The following FEZ2 variants were observed in gnomAD, a reference collection of about 807,000 sequenced individuals.
FEZ2 encodes the protein fasciculation and elongation protein zeta-2.
Under a neutral mutation model 40.4 loss-of-function variants are expected in FEZ2, and 51 were observed. The observed-to-expected ratio is 1.26, with a 90% CI of 1.01 to 1.59. The LOEUF is 1.59. Among genes scored for constraint, FEZ2 ranks in the 40% most tolerant of loss-of-function variants. The probability of loss-of-function intolerance (pLI) is 0.00; values close to 1 mark genes in which losing one functional copy is unlikely to be tolerated. For synonymous variants in FEZ2, 242 were observed against 172.0 expected (o/e 1.41, Z -3.18); for missense variants, 640 against 438.3 (o/e 1.46, Z -4.11).
At chr2:36,571,687 G>A (rs950401607) in intron 5 of FEZ2, among the ~76,000 whole-genome samples, 4 of 150,852 alleles carry the variant, frequency 2.7e-5, no homozygotes, top group South Asian at 2.1e-4. Context: ...GTAGAATTTA[G>A]TATCTCAAGC....
intron 5 of FEZ2, among the ~76,000 whole-genome samples, chr2:36,575,550 T>C (rs1668544635): frequency 1.3e-5 from 2 of 152,194 alleles, no homozygotes; most frequent in South Asian, 2.1e-4. Flanking sequence ...TGAATGAATA[T>C]TGTTTCATCT....
intron 5 of FEZ2, among the ~76,000 whole-genome samples, chr2:36,568,168 G>C (rs946238914): frequency 3.3e-5 from 5 of 151,954 alleles, no homozygotes; most frequent in Non-Finnish European, 7.4e-5. Flanking sequence ...AGGAAAGGGA[G>C]AGACAGAAGG....
At chr2:36,588,927 A>C (rs1299287514) in intron 2 of FEZ2, among the ~76,000 whole-genome samples, 1 of 152,170 alleles carries the variant, frequency 6.6e-6, no homozygotes, top group African/African-American at 2.4e-5. Context: ...GAAACTATGA[A>C]TGGAAACTCT....
chr2:36,573,098 G>GTGTA (rs1668462981), intron 5 of FEZ2, among the ~76,000 whole-genome samples: 2 of 152,288 alleles, frequency 1.3e-5, no homozygotes, highest in African/African-American at 4.8e-5. Context: ...TGATGGTGGA[G>GTGTA]TGTAACACAG....
chr2:36,573,432 A>T (rs1668473689), intron 5 of FEZ2, among the ~76,000 whole-genome samples: 1 of 152,200 alleles, frequency 6.6e-6, no homozygotes, highest in Non-Finnish European at 1.5e-5. Context: ...ATGACCTGTG[A>T]ATGTCTGATG....
rs766063293 is a variant in FEZ2 at position 36,558,443 on chromosome 2, G to A, written c.974C>T (p.Thr325Ile). Reference protein sequence around the residue: ...PPSVEDLQILTKILRAMKEDS... With the variant: ...PPSVEDLQILIKILRAMKEDS... ...TTCATTTTGTCTTTGCTCACTTTTT[G>A]TTAATATTTGAAGATCTTCAACAGA... is the stretch of plus-strand genomic sequence containing the variant. Residue 325 changes from threonine to isoleucine, a missense_variant, in exon 6 of 8, where the codon ACA becomes ATA. Coordinates refer to ENST00000405912, the MANE Select transcript of FEZ2 (RefSeq NM_005102.3). The A allele has an allele frequency of 1.3e-6, 2 of 1,513,208 alleles. No homozygotes were observed. Among genetic ancestry groups the A allele is most frequent in the East Asian group, 5.0e-5 (2 of 40,046 alleles). The allele number at this position is 1,513,208 out of a possible 1,614,324, so 93.7% of individuals were successfully genotyped here.
chr2:36,579,202 C>T, intron 4 of FEZ2: 1 of 198,356 alleles, frequency 5.0e-6, no homozygotes. Flanking sequence ...AGAACAAACA[C>T]AAAAGTCGAG....
chr2:36,578,976 A>G (rs1668658514), intron 4 of FEZ2, 111 bp from the exon 5 acceptor site: 2 of 854,558 alleles, frequency 2.3e-6, no homozygotes, highest in African/African-American at 1.7e-5. Context: ...TCAATGCCAA[A>G]GAGCAAAAAT....
At position 36,598,020 on chromosome 2, in the gene FEZ2, ACCCGCCTCGGCC is replaced by A. The variant is rs745391375; in HGVS notation, c.111_122del (p.Ala38_Gly41del). On this transcript the variant is annotated inframe_deletion, in exon 1 of 8. Transcript: ENST00000405912. ...GGGCCGGGAAACCGTCGGCGCCCCC[ACCCGCCTCGGCC>A]CCCGCCTCCGCCCCAGGCTCGGGGC... 5.7e-4 allele frequency: 802 copies of A among 1,397,306 alleles called. 1 individual carries two copies. The highest frequency in any genetic ancestry group is 1.1e-3 in the Admixed American group (47 of 44,270). 86.6% of individuals were successfully genotyped at this position (1,397,306 alleles called of 1,614,324 possible).
chr2:36,597,272 CA>C (rs1558463224), intron 1 of FEZ2, among the ~76,000 whole-genome samples: 1 of 152,192 alleles, frequency 6.6e-6, no homozygotes, highest in Non-Finnish European at 1.5e-5. Flanking sequence ...CACTCCCACT[CA>C]TCAGTCAGAT....
At chr2:36,576,172 C>G (rs1668562855) in intron 5 of FEZ2, among the ~76,000 whole-genome samples, 1 of 152,186 alleles carries the variant, frequency 6.6e-6, no homozygotes, top group Non-Finnish European at 1.5e-5. Flanking sequence ...GCCTATTTCA[C>G]TTTGGGTTTC....
chr2:36,567,655 G>A (rs1403937947), intron 5 of FEZ2, among the ~76,000 whole-genome samples: 2 of 151,784 alleles, frequency 1.3e-5, no homozygotes, highest in Non-Finnish European at 2.9e-5. Flanking sequence ...CCAGCTACTC[G>A]AGAGGCTCAG....
intron 6 of FEZ2, chr2:36,556,020 CAAA>C (rs375057966): frequency 1.7e-6 from 1 of 579,512 alleles, no homozygotes; most frequent in Non-Finnish European, 3.3e-6. Flanking sequence ...ACAGTGGAGA[CAAA>C]AAAAGAGGAA....
rs1667836307 is a variant in FEZ2 at position 36,552,418 on chromosome 2, G to T, written c.*745C>A. Reference sequence around the variant, plus strand: ...TAGGACACAGTAATGAGAATGGGCAGTTCTGCAGTGTACACTTTCTCAAGC... The same window carrying T: ...TAGGACACAGTAATGAGAATGGGCATTTCTGCAGTGTACACTTTCTCAAGC... On this transcript the variant is annotated 3_prime_UTR_variant, in exon 8 of 8. Coordinates refer to ENST00000405912, the MANE Select transcript of FEZ2 (RefSeq NM_005102.3). The T allele has an allele frequency of 2.8e-6, 1 of 357,966 alleles. No homozygotes were observed. Among genetic ancestry groups the T allele is most frequent in the South Asian group, 2.2e-5 (1 of 45,860 alleles). The allele number at this position is 357,966 out of a possible 1,614,324, so 22.2% of individuals were successfully genotyped here.
In FEZ2 at chr2:36,583,452, G is replaced by C. The variant is rs766987701; in HGVS notation, c.393C>G (p.Leu131=). Residue 131 remains leucine, a synonymous_variant, in exon 3 of 8, where the codon CTC becomes CTG. Coordinates refer to ENST00000405912, the MANE Select transcript of FEZ2 (RefSeq NM_005102.3). ...LSEKGVSDSL[L]FDTSDDEELR... ...GCTCTTCATCATCTGATGTATCAAAGAGCAAACTGTCACTTACCTAAAAAC... is the reference window on the plus strand; with the variant it reads ...GCTCTTCATCATCTGATGTATCAAACAGCAAACTGTCACTTACCTAAAAAC... The C allele has an allele frequency of 1.3e-6, 2 of 1,586,492 alleles. No homozygotes were observed. Among genetic ancestry groups the C allele is most frequent in the South Asian group, 1.1e-5 (1 of 90,578 alleles).
Position 36,553,197 on chromosome 2 carries a change from CT to C in FEZ2, c.1046-19del. The C allele has an allele frequency of 6.5e-7, 1 of 1,531,194 alleles. No individual in the cohort carries two copies. Among genetic ancestry groups the C allele is most frequent in the Non-Finnish European group, 8.9e-7 (1 of 1,127,206 alleles). 94.9% of individuals were successfully genotyped at this position (1,531,194 alleles called of 1,614,324 possible). A position where few individuals can be genotyped will look rare whatever the true frequency, so the allele number is the denominator to read the frequency against. On this transcript the variant is annotated intron_variant, in intron 7 of 7. Coordinates refer to ENST00000405912, the MANE Select transcript of FEZ2 (RefSeq NM_005102.3). ...ACACAGAACTAGAAGAAAAAGAGAA[CT>C]TTTAGCTACAAATGTATATTTTGTA... is the stretch of plus-strand genomic sequence containing the variant.
At chr2:36,564,547 G>A (rs1376126562) in intron 5 of FEZ2, among the ~76,000 whole-genome samples, 5 of 152,208 alleles carry the variant, frequency 3.3e-5, no homozygotes, top group South Asian at 2.1e-4. Context: ...TAAATGAAGC[G>A]AATGCTGCAG....
chr2:36,588,185 C>T (rs1380728289), intron 2 of FEZ2, among the ~76,000 whole-genome samples: 1 of 152,102 alleles, frequency 6.6e-6, no homozygotes, highest in African/African-American at 2.4e-5. Context: ...TGCGCCACCA[C>T]GCCTGGCTAA....
intron 1 of FEZ2, among the ~76,000 whole-genome samples, chr2:36,597,598 A>C (rs757618645): frequency 6.6e-6 from 1 of 152,144 alleles, no homozygotes; most frequent in Non-Finnish European, 1.5e-5. Flanking sequence ...TGGGCTCTGC[A>C]TGGGCGATTC....
Sources: gnomAD v4.1 joint callset for allele counts (sites outside exome capture counted in the v4.1 genomes callset) on GRCh38, gnomAD v4.1.1 for gene constraint, MANE v1.5 for transcripts, NCBI Gene and HGNC (gene_info 2026-07-23, HGNC 2026-07-21) for gene names.